DNAAF4: variants seen among roughly 807,000 people sequenced by gnomAD.
DNAAF4 encodes the protein dynein axonemal assembly factor 4.
A neutral mutation model predicts 51.8 loss-of-function variants in DNAAF4; 43 were observed. The ratio of observed to expected loss-of-function variants is 0.83; its 90% CI spans 0.65 to 1.07. DNAAF4 has a LOEUF of 1.07. Among genes scored for constraint, DNAAF4 ranks in the 50% least tolerant of loss-of-function variants. The pLI, the probability that DNAAF4 is intolerant of heterozygous loss-of-function variation, is 0.00. For synonymous variants in DNAAF4, 194 were observed against 165.6 expected, an observed-to-expected ratio of 1.17 and a Z score of -1.32; for missense variants, 581 against 493.0, an observed-to-expected ratio of 1.18 and a Z score of -1.69.
At chr15:55,449,325 A>G (rs576904122) in intron 6 of DNAAF4, among the ~76,000 whole-genome samples, 1 of 151,422 alleles carries the variant, frequency 6.6e-6, no homozygotes, top group East Asian at 2.0e-4. Flanking sequence ...TATTTCTACA[A>G]TTTTTCAAAT....
At chr15:55,460,207 G>A (rs1429651148) in intron 5 of DNAAF4, among the ~76,000 whole-genome samples, 3 of 141,650 alleles carry the variant, frequency 2.1e-5, no homozygotes, top group Non-Finnish European at 3.0e-5. Flanking sequence ...TTGAGACAGA[G>A]TCTCACTCTG....
rs397515621 is a variant in DNAAF4, at chr15:55,439,557, G to A, written c.808C>T (p.Arg270Ter). The A allele has an allele frequency of 1.9e-5, 30 of 1,613,616 alleles. No homozygotes were observed. Among genetic ancestry groups the A allele is most frequent in the Non-Finnish European group, 2.4e-5 (28 of 1,179,942 alleles). ...EEWLHKQAEA[R>*]RAMNTDIAEL... ...GCTATGTCAGTATTCATTGCTCTTC[G>A]TGCCTCAGCTTGTTTGTGTAGCCAC... Residue 270 changes from arginine to a stop codon, truncating the protein, a stop_gained, in exon 7 of 10, where the codon CGA becomes TGA. Coordinates refer to ENST00000321149, the MANE Select transcript of DNAAF4 (RefSeq NM_130810.4). LOFTEE classifies it high-confidence loss of function.
intron 6 of DNAAF4, 37 bp downstream of exon 6, chr15:55,450,185 C>A: frequency 1.3e-6 from 2 of 1,538,116 alleles, no homozygotes; most frequent in East Asian, 2.3e-5. Flanking sequence ...AAAGTATTTT[C>A]ATTTGTGGTA....
intron 8 of DNAAF4, among the ~76,000 whole-genome samples, chr15:55,434,686 T>A (rs1472806774): frequency 2.0e-5 from 3 of 152,066 alleles, no homozygotes; most frequent in African/African-American, 7.2e-5. Flanking sequence ...TAACAGCTGA[T>A]TTTTAATCTA....
intron 5 of DNAAF4, among the ~76,000 whole-genome samples, chr15:55,463,574 T>C (rs1439588232): frequency 6.6e-6 from 1 of 152,142 alleles, no homozygotes; most frequent in Non-Finnish European, 1.5e-5. Context: ...ATCTGATATA[T>C]GAATTCAAGT....
chr15:55,436,726 G>T lies in DNAAF4; in HGVS notation c.894-1668C>A, dbSNP rs560220600. Among the ~76,000 whole-genome samples the T allele has an allele frequency of 8.5e-5, 13 of 152,052 alleles. No individual in the cohort carries two copies. The South Asian group carries it at 2.3e-3, about 27-fold the overall frequency. ...GTAGAAATTGGGTTTCACCATATTGGCCAGGCTTGTCTCAAAATCCTGAAC... is the reference window on the plus strand; with the variant it reads ...GTAGAAATTGGGTTTCACCATATTGTCCAGGCTTGTCTCAAAATCCTGAAC... On this transcript the variant is annotated intron_variant, in intron 7 of 9. Transcript: ENST00000321149.
chr15:55,435,320 T>C (rs976774181), intron 7 of DNAAF4, among the ~76,000 whole-genome samples: 39 of 152,326 alleles, frequency 2.6e-4, no homozygotes, highest in African/African-American at 8.7e-4. Flanking sequence ...GCTCCAGTAA[T>C]TGACTCAGGG....
chr15:55,440,808 A>G (rs149139121), intron 6 of DNAAF4, among the ~76,000 whole-genome samples: 7,138 of 151,674 alleles, frequency 0.047, 245 homozygotes, highest in Non-Finnish European at 0.07. Context: ...CAGCCTCCCA[A>G]ATAGCTGGGA....
chr15:55,440,875 G>A (rs1299334919), intron 6 of DNAAF4, among the ~76,000 whole-genome samples: 11 of 149,596 alleles, frequency 7.4e-5, no homozygotes, highest in African/African-American at 2.7e-4. Context: ...TAGAGATGGG[G>A]TTTCACCATA....
At chr15:55,438,249 G>A (rs1005112233) in intron 7 of DNAAF4, among the ~76,000 whole-genome samples, 3 of 151,798 alleles carry the variant, frequency 2.0e-5, no homozygotes, top group Non-Finnish European at 2.9e-5. Flanking sequence ...TACTGAGGAG[G>A]CTGAGGCAGG....
In DNAAF4 at chr15:55,497,799, T is replaced by G; in HGVS notation, c.184A>C (p.Ser62Arg). Residue 62 changes from serine (S) to arginine (R), a missense_variant, in exon 3 of 10, where the codon AGC becomes CGC. Coordinates refer to ENST00000321149, the MANE Select transcript of DNAAF4 (RefSeq NM_130810.4). ...FLYAPIDDES[S>R]KAKIGNDTIV... ...GTGTCATTCCCAATCTTTGCTTTGC[T>G]GCTCTCATCGTCTATGGGAGCATAA... The G allele has an allele frequency of 1.2e-6, 2 of 1,614,174 alleles. No individual in the cohort carries two copies. The highest frequency in any genetic ancestry group is 1.7e-6 in the Non-Finnish European group (2 of 1,180,020).
chr15:55,494,545 G>T (rs1052872844), intron 3 of DNAAF4, among the ~76,000 whole-genome samples: 1 of 152,020 alleles, frequency 6.6e-6, no homozygotes, highest in Non-Finnish European at 1.5e-5. Flanking sequence ...CCAAGTAGCT[G>T]GGACTACAGG....
intron 4 of DNAAF4, among the ~76,000 whole-genome samples, chr15:55,477,803 A>T (rs1043978474): frequency 6.6e-6 from 1 of 151,772 alleles, no homozygotes; most frequent in African/African-American, 2.4e-5. Context: ...GGCAGCTCAC[A>T]CCTATAAATC....
chr15:55,486,289 G>A (rs1010337926), intron 4 of DNAAF4, among the ~76,000 whole-genome samples: 1 of 151,502 alleles, frequency 6.6e-6, no homozygotes, highest in African/African-American at 2.4e-5. Flanking sequence ...CGCTTCCTGG[G>A]TTCCAGCCAT....
chr15:55,433,854 T>TTATA (rs1555413803), intron 8 of DNAAF4, among the ~76,000 whole-genome samples: 2 of 51,382 alleles, frequency 3.9e-5, no homozygotes, highest in South Asian at 4.3e-4. Flanking sequence ...ATTATATATA[T>TTATA]TATAATATAT....
chr15:55,471,011 G>A (rs1376257711), intron 4 of DNAAF4, among the ~76,000 whole-genome samples: 1 of 150,664 alleles, frequency 6.6e-6, no homozygotes, highest in Non-Finnish European at 1.5e-5. Context: ...GCAGCACCAC[G>A]AATGGCTAAT....
intron 1 of DNAAF4, among the ~76,000 whole-genome samples, chr15:55,505,430 G>A (rs1042839804): frequency 6.6e-6 from 1 of 151,902 alleles, no homozygotes; most frequent in Non-Finnish European, 1.5e-5. Context: ...ATATATAAAA[G>A]ATTATAAATC....
intron 1 of DNAAF4, among the ~76,000 whole-genome samples, chr15:55,505,150 A>G (rs2058720292): frequency 6.6e-6 from 1 of 152,256 alleles, no homozygotes; most frequent in Admixed American, 6.5e-5. Flanking sequence ...TTATGCATCC[A>G]ACAGACATAT....
intron 5 of DNAAF4, among the ~76,000 whole-genome samples, chr15:55,457,629 C>T (rs1028103239): frequency 6.6e-6 from 1 of 152,128 alleles, no homozygotes; most frequent in Admixed American, 6.5e-5. Flanking sequence ...CAACTCATAA[C>T]AGAACAACCC....
Sources: allele counts gnomAD v4.1 joint callset (sites outside exome capture counted in the v4.1 genomes callset), GRCh38; gene constraint gnomAD v4.1.1; transcripts MANE v1.5; gene names NCBI Gene and HGNC (gene_info 2026-07-23, HGNC 2026-07-21).